The following PRELID2 variants were observed in gnomAD, a reference collection of about 807,000 sequenced individuals.
PRELID2 encodes PRELI domain-containing protein 2.
PRELID2 carries 25 observed loss-of-function variants against 28.4 expected under a neutral mutation model. The observed-to-expected ratio is 0.88, with a 90% confidence interval of 0.64 to 1.23. The LOEUF is 1.23. PRELID2 is among the 50% of genes most tolerant of loss of function. The probability of loss-of-function intolerance (pLI) is 0.00; values close to 1 mark genes in which losing one functional copy is unlikely to be tolerated. For synonymous variants in PRELID2, 76 were observed against 71.6 expected (o/e 1.06, Z -0.31); for missense variants, 201 against 214.4 (o/e 0.94, Z 0.39).
chr5:145,447,607 G>A, the PRELID2 span, among the ~76,000 whole-genome samples: 37,415 of 109,550 alleles, frequency 0.34, 6,736 homozygotes, highest in Non-Finnish European at 0.39. Context: ...ATCTCCCGAT[G>A]CTATCCCTCC....
the PRELID2 span, among the ~76,000 whole-genome samples, chr5:145,296,949 T>C: frequency 6.6e-5 from 10 of 152,206 alleles, no homozygotes; most frequent in African/African-American, 2.2e-4. Flanking sequence ...CCAGTGATGG[T>C]GAGCATTTTT....
chr5:145,731,725 C>T (rs371835566), intron 1 of PRELID2, among the ~76,000 whole-genome samples: 7 of 152,274 alleles, frequency 4.6e-5, no homozygotes, highest in Non-Finnish European at 8.8e-5. Context: ...GAAATACCTG[C>T]GCCTCTTTCT....
At chr5:145,659,127 G>T (rs1754446163) in intron 1 of PRELID2, among the ~76,000 whole-genome samples, 1 of 152,160 alleles carries the variant, frequency 6.6e-6, no homozygotes, top group Non-Finnish European at 1.5e-5. Flanking sequence ...AAGTGGTAGG[G>T]CTATGGCACA....
At chr5:145,418,881 AC>A in the PRELID2 span, among the ~76,000 whole-genome samples, 5 of 140,208 alleles carry the variant, frequency 3.6e-5, no homozygotes, top group Middle Eastern at 7.2e-3. Context: ...CCTCCCCCCT[AC>A]CCCCACCCCA....
the PRELID2 span, among the ~76,000 whole-genome samples, chr5:145,234,106 A>C: frequency 6.6e-6 from 1 of 152,194 alleles, no homozygotes; most frequent in Non-Finnish European, 1.5e-5. Context: ...AGAGAATATA[A>C]GTTACCAATA....
At chr5:145,451,913 G>A in the PRELID2 span, among the ~76,000 whole-genome samples, 16 of 152,278 alleles carry the variant, frequency 1.1e-4, no homozygotes, top group Admixed American at 8.5e-4. Context: ...AATGAGTGAT[G>A]GTTGCTCTCA....
chr5:145,821,152 G>GTGTGTGTGTGTGTGTGTGT (rs1754761991), intron 2 of PRELID2, among the ~76,000 whole-genome samples: 2 of 88,264 alleles, frequency 2.3e-5, no homozygotes, highest in East Asian at 5.6e-4. Context: ...AACTCTCCTG[G>GTGTGTGTGTGTGTGTGTGT]GTGTGTGTGT....
In PRELID2 at chr5:145,772,371, G is replaced by A. The variant is rs147162118; in HGVS notation, c.475-7371C>T. The stretch of plus-strand genomic sequence containing the variant: ...TGAGAATGCAAAAGTGAAAACCCCC[G>A]ACACACTGTTGGAACTAGTCTGTGT... On this transcript the variant is annotated intron_variant, in intron 5 of 6. Transcript: ENST00000683046. Among the ~76,000 whole-genome samples the A allele has an allele frequency of 2.5e-3, 378 of 152,212 alleles. 1 individual carries two copies. Among genetic ancestry groups the A allele is most frequent in the African/African-American group, 7.9e-3 (328 of 41,522 alleles).
intron 1 of PRELID2, among the ~76,000 whole-genome samples, chr5:145,702,441 C>T (rs1020101004): frequency 2.6e-5 from 4 of 152,108 alleles, no homozygotes; most frequent in Admixed American, 6.5e-5. Context: ...CTTATTTTGG[C>T]TCTTGGATCC....
At chr5:145,751,942 A>C (rs1757134605), downstream of PRELID2, among the ~76,000 whole-genome samples, 1 of 152,214 alleles carries the variant, frequency 6.6e-6, no homozygotes, top group Non-Finnish European at 1.5e-5. Flanking sequence ...AGATCGTGCC[A>C]TTGCTGTCCA....
chr5:145,392,243 G>A, the PRELID2 span, among the ~76,000 whole-genome samples: 1 of 151,970 alleles, frequency 6.6e-6, no homozygotes, highest in Admixed American at 6.6e-5. Context: ...GCATGGCTGG[G>A]GAGGCCTCAG....
At chr5:145,291,496 G>T in the PRELID2 span, among the ~76,000 whole-genome samples, 2 of 152,060 alleles carry the variant, frequency 1.3e-5, no homozygotes, top group African/African-American at 4.8e-5. Flanking sequence ...GCTTCAGAGC[G>T]AGGATAGGAC....
At chr5:145,645,046 T>C (rs755718285) in intron 1 of PRELID2, among the ~76,000 whole-genome samples, 123 of 152,166 alleles carry the variant, frequency 8.1e-4, no homozygotes, top group Admixed American at 1.3e-3. Context: ...TGGTCCAGAG[T>C]TGAGTTCAAG....
chr5:145,505,059 C>T (rs1457698841), intron 1 of PRELID2, among the ~76,000 whole-genome samples: 1 of 152,118 alleles, frequency 6.6e-6, no homozygotes, highest in East Asian at 1.9e-4. Context: ...CATTCAATAA[C>T]ACAGCATACA....
intron 1 of PRELID2, among the ~76,000 whole-genome samples, chr5:145,724,643 ATATAAT>A (rs1187601130): frequency 1.7e-5 from 2 of 117,042 alleles, no homozygotes; most frequent in African/African-American, 6.3e-5. Context: ...ATATATATAT[ATATAAT>A]GCCTGTAACT....
chr5:145,461,922 G>C, the PRELID2 span, among the ~76,000 whole-genome samples: 1 of 152,176 alleles, frequency 6.6e-6, no homozygotes, highest in Admixed American at 6.5e-5. Context: ...GAAATACATG[G>C]ACTATGTATG....
chr5:145,381,101 A>G, the PRELID2 span, among the ~76,000 whole-genome samples: 1 of 152,192 alleles, frequency 6.6e-6, no homozygotes, highest in Non-Finnish European at 1.5e-5. Context: ...AGTTGTCTCT[A>G]AAAAGCAATA....
chr5:145,713,593 C>A (rs1755761566), intron 1 of PRELID2, among the ~76,000 whole-genome samples: 1 of 126,014 alleles, frequency 7.9e-6, no homozygotes, highest in African/African-American at 3.1e-5. Context: ...AGTATATATA[C>A]TTTATATACA....
At chr5:145,548,734 T>G (rs1189460126) in intron 1 of PRELID2, among the ~76,000 whole-genome samples, 1 of 152,180 alleles carries the variant, frequency 6.6e-6, no homozygotes, top group African/African-American at 2.4e-5. Flanking sequence ...GCACCTTCAG[T>G]CTTGCCATCT....
Sources: allele counts gnomAD v4.1 joint callset (sites outside exome capture counted in the v4.1 genomes callset), GRCh38; gene constraint gnomAD v4.1.1; transcripts MANE v1.5; gene names NCBI Gene and HGNC (gene_info 2026-07-23, HGNC 2026-07-21).